The following RASGRP3 variants were observed in gnomAD, a reference collection of about 807,000 sequenced individuals.
RASGRP3 encodes the protein ras guanyl-releasing protein 3.
Under a neutral mutation model 82.7 loss-of-function variants are expected in RASGRP3, and 54 were observed. The ratio of observed to expected loss-of-function variants is 0.65; its 90% CI spans 0.52 to 0.82. The LOEUF (loss-of-function observed/expected upper bound fraction) is 0.82, where lower values mean the gene tolerates loss of function less well. RASGRP3 is among the 40% of genes least tolerant of loss of function. RASGRP3 has a pLI of 0.00. For synonymous variants in RASGRP3, 309 were observed against 300.5 expected, an observed-to-expected ratio of 1.03 and a Z score of -0.29; for missense variants, 861 against 828.9, an observed-to-expected ratio of 1.04 and a Z score of -0.48.
chr2:33,534,187 C>A (rs777082388), intron 10 of RASGRP3, 136 bp from the exon 11 acceptor site: 3 of 630,902 alleles, frequency 4.8e-6, no homozygotes, highest in Non-Finnish European at 8.4e-6. Flanking sequence ...CTCTGCGTGC[C>A]GTCTTTTTAT....
intron 2 of RASGRP3, among the ~76,000 whole-genome samples, chr2:33,459,450 A>G (rs1243451906): frequency 4.6e-5 from 7 of 152,214 alleles, no homozygotes; most frequent in Non-Finnish European, 8.8e-5. Flanking sequence ...TTTTAAGTCT[A>G]TAACTTTGCA....
intron 2 of RASGRP3, among the ~76,000 whole-genome samples, chr2:33,461,763 G>C (rs1666380438): frequency 6.6e-6 from 1 of 152,194 alleles, no homozygotes; most frequent in Non-Finnish European, 1.5e-5. Flanking sequence ...AAAGTTATAA[G>C]TAATACCGAG....
chr2:33,529,062 AGGTGCCTACCCTT>A (rs1408198631), intron 10 of RASGRP3, among the ~76,000 whole-genome samples: 1 of 152,254 alleles, frequency 6.6e-6, no homozygotes, highest in Non-Finnish European at 1.5e-5. Context: ...TTCAGAGAGC[AGGTGCCTACCCTT>A]GGGCAATTTC....
chr2:33,461,866 C>A (rs984591991), intron 2 of RASGRP3, among the ~76,000 whole-genome samples: 27 of 151,992 alleles, frequency 1.8e-4, no homozygotes, highest in Non-Finnish European at 3.1e-4. Flanking sequence ...CCAGAAAAGG[C>A]GTGGAATAAT....
At chr2:33,474,000 A>G (rs940748832), upstream of RASGRP3, among the ~76,000 whole-genome samples, 6 of 151,956 alleles carry the variant, frequency 3.9e-5, no homozygotes, top group Non-Finnish European at 8.8e-5. Context: ...AATAGTGTTC[A>G]TGCTCCTATG....
At chr2:33,502,498 T>TTTC (rs1669966184) in intron 1 of RASGRP3, among the ~76,000 whole-genome samples, 1 of 123,992 alleles carries the variant, frequency 8.1e-6, no homozygotes, top group Non-Finnish European at 1.6e-5. Context: ...TCTTTTTTTC[T>TTTC]TTCTTTTTTT....
At chr2:33,497,758 T>G (rs1669460685) in intron 1 of RASGRP3, among the ~76,000 whole-genome samples, 1 of 152,214 alleles carries the variant, frequency 6.6e-6, no homozygotes, top group Admixed American at 6.5e-5. Context: ...AAAATTAGAT[T>G]GTAAATTGAT....
At chr2:33,440,931 C>T (rs1214013362) in intron 1 of RASGRP3, among the ~76,000 whole-genome samples, 1 of 152,036 alleles carries the variant, frequency 6.6e-6, no homozygotes, top group Non-Finnish European at 1.5e-5. Context: ...CCCCCTCTAT[C>T]ACCCAGGCTG....
At chr2:33,473,548 T>C (rs1432486103), upstream of RASGRP3, among the ~76,000 whole-genome samples, 1 of 152,116 alleles carries the variant, frequency 6.6e-6, no homozygotes, top group Non-Finnish European at 1.5e-5. Flanking sequence ...AAAGCCGAGG[T>C]AGGAGGTGGC....
At chr2:33,495,151 C>G (rs1669194166) in intron 1 of RASGRP3, among the ~76,000 whole-genome samples, 1 of 152,168 alleles carries the variant, frequency 6.6e-6, no homozygotes, top group African/African-American at 2.4e-5. Context: ...AGTAGGTAGC[C>G]CAGTGAGTCT....
chr2:33,456,310 G>C (rs1336614049), intron 2 of RASGRP3, among the ~76,000 whole-genome samples: 1 of 152,072 alleles, frequency 6.6e-6, no homozygotes, highest in Non-Finnish European at 1.5e-5. Flanking sequence ...CATCTACACT[G>C]TGATTATTGA....
intron 2 of RASGRP3, among the ~76,000 whole-genome samples, chr2:33,465,191 C>T (rs1666621975): frequency 1.3e-5 from 2 of 152,168 alleles, no homozygotes; most frequent in Admixed American, 6.5e-5. Flanking sequence ...GCAAAACAGC[C>T]TTATTGCTGA....
chr2:33,470,377 A>C (rs1410318189), intron 2 of RASGRP3, among the ~76,000 whole-genome samples: 3 of 114,390 alleles, frequency 2.6e-5, no homozygotes, highest in African/African-American at 1.1e-4. Flanking sequence ...ACTATAACTA[A>C]GAATTTTTTT....
At chr2:33,455,098 T>C (rs1197293485) in intron 2 of RASGRP3, among the ~76,000 whole-genome samples, 1 of 152,180 alleles carries the variant, frequency 6.6e-6, no homozygotes, top group Non-Finnish European at 1.5e-5. Context: ...ATGTCAACTA[T>C]AGCTTCTCAC....
chr2:33,538,452 G>A (rs4670190), intron 11 of RASGRP3, among the ~76,000 whole-genome samples: 19,156 of 151,762 alleles, frequency 0.13, 1,520 homozygotes, highest in Admixed American at 0.16. Flanking sequence ...TCAGTGAGCC[G>A]AGATCATGCC....
chr2:33,488,142 A>G (rs114218302), intron 1 of RASGRP3, among the ~76,000 whole-genome samples: 2,322 of 152,310 alleles, frequency 0.015, 60 homozygotes, highest in African/African-American at 0.053. Flanking sequence ...GAACCTCTTG[A>G]TTTTCAAAAG....
chr2:33,444,935 A>G (rs754638653), intron 1 of RASGRP3, among the ~76,000 whole-genome samples: 2 of 152,264 alleles, frequency 1.3e-5, no homozygotes, highest in Non-Finnish European at 2.9e-5. Flanking sequence ...AAAAACCATT[A>G]TAGACATTAT....
At chr2:33,549,000 T>G (rs1675116712) in intron 13 of RASGRP3, among the ~76,000 whole-genome samples, 1 of 152,112 alleles carries the variant, frequency 6.6e-6, no homozygotes, top group African/African-American at 2.4e-5. Flanking sequence ...ATTTGATCAT[T>G]TTTGATAAAC....
intron 2 of RASGRP3, among the ~76,000 whole-genome samples, chr2:33,450,703 C>A (rs1665736275): frequency 6.6e-6 from 1 of 151,456 alleles, no homozygotes; most frequent in Admixed American, 6.6e-5. Context: ...ATCTCTTTGA[C>A]ATGCTGATTT....
Sources: gnomAD v4.1 joint callset for allele counts (sites outside exome capture counted in the v4.1 genomes callset) on GRCh38, gnomAD v4.1.1 for gene constraint, MANE v1.5 for transcripts, NCBI Gene and HGNC (gene_info 2026-07-23, HGNC 2026-07-21) for gene names.